The following RAD51B variants were observed in gnomAD, a reference collection of about 807,000 sequenced individuals.
The protein encoded by RAD51B is DNA repair protein RAD51 homolog 2.
A neutral mutation model predicts 42.2 loss-of-function variants in RAD51B; 38 were observed. That is an observed-to-expected ratio of 0.90 (90% CI 0.70 to 1.18). RAD51B has a LOEUF of 1.18. RAD51B is among the 50% of genes most tolerant of loss of function. The pLI, the probability that RAD51B is intolerant of heterozygous loss-of-function variation, is 0.00. For synonymous variants in RAD51B, 154 were observed against 145.2 expected, an observed-to-expected ratio of 1.06 and a Z score of -0.43; for missense variants, 373 against 400.7, an observed-to-expected ratio of 0.93 and a Z score of 0.59.
chr14:68,326,292 G>A (rs1444110327), intron 8 of RAD51B, among the ~76,000 whole-genome samples: 2 of 151,818 alleles, frequency 1.3e-5, no homozygotes, highest in Admixed American at 6.6e-5. Context: ...CACCTGCCTC[G>A]GCCTCCCAGA....
At chr14:68,628,354 G>A (rs1040657140) in intron 10 of RAD51B, 2 of 152,218 alleles carry the variant, frequency 1.3e-5, no homozygotes, top group African/African-American at 2.4e-5. Context: ...CCGCTTACCT[G>A]GGGTAAAAGC....
At chr14:68,454,531 A>C (rs2085635668) in intron 9 of RAD51B, among the ~76,000 whole-genome samples, 1 of 152,200 alleles carries the variant, frequency 6.6e-6, no homozygotes. Flanking sequence ...TTGCACACCA[A>C]CAATCTTTAT....
At position 67,899,891 on chromosome 14, in the gene RAD51B, A is replaced by C. The variant is rs1241555983; in HGVS notation, c.756+12687A>C. On this transcript the variant is annotated intron_variant, in intron 7 of 10. Coordinates refer to ENST00000471583, the MANE Select transcript of RAD51B (RefSeq NM_133510.4). ...CCAGAGTCACTTGGCTAGTAAGTGG[A>C]AGGGCTTGAGTTTGAATCCAGATAT... Among the ~76,000 whole-genome samples the C allele has an allele frequency of 2.0e-5, 3 of 152,336 alleles. No homozygotes were observed. In the East Asian group the frequency reaches 5.8e-4, roughly 29 times the overall value.
intron 11 of RAD51B, among the ~76,000 whole-genome samples, chr14:68,661,357 G>T (rs1892928899): frequency 6.6e-6 from 1 of 152,188 alleles, no homozygotes. Flanking sequence ...GTCTGTTGCT[G>T]TTGCTGCACG....
intron 7 of RAD51B, among the ~76,000 whole-genome samples, chr14:68,163,627 T>G (rs1480425726): frequency 6.6e-6 from 1 of 152,222 alleles, no homozygotes; most frequent in Non-Finnish European, 1.5e-5. Context: ...GCCTGCCTTC[T>G]TCTGTTTCCC....
At chr14:68,613,631 T>C (rs1891759297), downstream of RAD51B, among the ~76,000 whole-genome samples, 1 of 151,922 alleles carries the variant, frequency 6.6e-6, no homozygotes, top group African/African-American at 2.4e-5. Context: ...TTTTTTTGTA[T>C]TTTTAGTAGA....
chr14:68,341,258 G>T (rs1483151757), intron 8 of RAD51B, among the ~76,000 whole-genome samples: 1 of 152,090 alleles, frequency 6.6e-6, no homozygotes, highest in African/African-American at 2.4e-5. Context: ...GTATATTATA[G>T]GAAAAATTAG....
intron 7 of RAD51B, among the ~76,000 whole-genome samples, chr14:67,909,823 T>C (rs114743549): frequency 0.01 from 1,545 of 152,180 alleles, 26 homozygotes; most frequent in African/African-American, 0.035. Context: ...CTAACTTTTT[T>C]AAAAAAGTTT....
At chr14:68,510,984 C>T (rs1346014706) in intron 10 of RAD51B, among the ~76,000 whole-genome samples, 3 of 152,156 alleles carry the variant, frequency 2.0e-5, no homozygotes, top group African/African-American at 4.8e-5. Context: ...CCAGTCTCCA[C>T]CTCCCTCCCA....
At chr14:68,508,168 C>A (rs1297949312) in intron 10 of RAD51B, among the ~76,000 whole-genome samples, 3 of 152,158 alleles carry the variant, frequency 2.0e-5, no homozygotes, top group Non-Finnish European at 4.4e-5. Flanking sequence ...CAGTGCAGGG[C>A]TCCAGTTGTT....
At chr14:68,480,729 C>T (rs1883112201), downstream of RAD51B, among the ~76,000 whole-genome samples, 1 of 151,884 alleles carries the variant, frequency 6.6e-6, no homozygotes, top group Non-Finnish European at 1.5e-5. Context: ...TCGTTTGTTA[C>T]TGATCCTTTC....
intron 9 of RAD51B, among the ~76,000 whole-genome samples, chr14:68,433,510 C>T (rs1386795051): frequency 1.3e-5 from 2 of 152,220 alleles, no homozygotes; most frequent in East Asian, 3.8e-4. Context: ...TCTTCAATCG[C>T]TGATACCCTT....
chr14:68,057,034 A>G (rs996980568), intron 7 of RAD51B, among the ~76,000 whole-genome samples: 6 of 151,492 alleles, frequency 4.0e-5, no homozygotes, highest in African/African-American at 1.5e-4. Context: ...GGTTGCAGTG[A>G]GCTGAGGTTG....
chr14:67,948,986 T>G (rs1040057494), intron 7 of RAD51B, among the ~76,000 whole-genome samples: 4 of 148,578 alleles, frequency 2.7e-5, no homozygotes, highest in African/African-American at 7.5e-5. Flanking sequence ...ATTTAAAAGT[T>G]TTTATTGCTA....
chr14:68,603,219 C>G (rs1248068928), intron 10 of RAD51B, among the ~76,000 whole-genome samples: 1 of 152,140 alleles, frequency 6.6e-6, no homozygotes, highest in Admixed American at 6.5e-5. Context: ...ATTTTATTCT[C>G]TTTATTGATC....
chr14:68,571,447 C>T (rs1021101147), intron 10 of RAD51B, among the ~76,000 whole-genome samples: 1 of 152,208 alleles, frequency 6.6e-6, no homozygotes, highest in Non-Finnish European at 1.5e-5. Flanking sequence ...CTAGAGGCCG[C>T]CCACATTCCT....
intron 7 of RAD51B, among the ~76,000 whole-genome samples, chr14:68,170,043 G>A (rs889837125): frequency 2.0e-5 from 3 of 152,154 alleles, no homozygotes; most frequent in Admixed American, 2.0e-4. Flanking sequence ...CTTTCTTACT[G>A]AGGGTTGTAA....
chr14:68,362,616 A>G (rs1278744217), intron 8 of RAD51B, among the ~76,000 whole-genome samples: 3 of 152,146 alleles, frequency 2.0e-5, no homozygotes, highest in Admixed American at 6.5e-5. Context: ...TTGGGAGGCC[A>G]AGGTGGGCGG....
intron 7 of RAD51B, among the ~76,000 whole-genome samples, chr14:68,117,312 A>T (rs1425159968): frequency 1.3e-5 from 2 of 152,178 alleles, no homozygotes; most frequent in African/African-American, 4.8e-5. Flanking sequence ...TAGCTGAAGG[A>T]TAAGATCCTG....
Sources: allele counts gnomAD v4.1 joint callset (sites outside exome capture counted in the v4.1 genomes callset), GRCh38; gene constraint gnomAD v4.1.1; transcripts MANE v1.5; gene names NCBI Gene and HGNC (gene_info 2026-07-23, HGNC 2026-07-21).